The following ATRN variants were observed in gnomAD, a reference collection of about 807,000 sequenced individuals.
The protein encoded by ATRN is attractin.
In ATRN, 54 loss-of-function variants were observed where a neutral mutation model predicts 178.7. The observed-to-expected ratio is 0.30, with a 90% CI of 0.24 to 0.38. ATRN has a LOEUF of 0.38. ATRN is among the 10% of genes least tolerant of loss of function. The pLI, the probability that ATRN is intolerant of heterozygous loss-of-function variation, is 1.00. For missense variants in ATRN, 1,443 were observed against 1,815.1 expected (o/e 0.79, Z 3.73); for synonymous variants, 636 against 663.0 (o/e 0.96, Z 0.63).
chr20:3,483,832 TA>T (rs1402910061), intron 1 of ATRN, among the ~76,000 whole-genome samples: 5 of 152,180 alleles, frequency 3.3e-5, no homozygotes, highest in Admixed American at 1.3e-4. Context: ...GTTGAAGAGA[TA>T]CAATTTCTGT....
rs768157365 is a variant in ATRN at position 3,549,285 on chromosome 20, G to T, written c.1059G>T (p.Met353Ile). 2 of 1,609,518 alleles carry T rather than the reference G, an allele frequency of 1.2e-6. No homozygotes were observed. Among genetic ancestry groups the T allele is most frequent in the African/African-American group, 2.7e-5 (2 of 74,762 alleles). The change falls in exon 6 of 29, where the codon ATG (methionine) becomes ATT (isoleucine). Residue 353 changes from methionine (M) to isoleucine (I), a missense_variant. Physicochemically the swap from Met to Ile is conservative, Grantham distance 10 (BLOSUM62 1). Transcript: ENST00000262919. ...SHKAVVNGNI[M>I]WVVGGYMFNH... is the part of the protein sequence containing the mutation. ...AAGCTGTGGTCAATGGAAACATTATGTGGGTTGTTGGAGGATATATGTTCA... is the reference window on the plus strand; with the variant it reads ...AAGCTGTGGTCAATGGAAACATTATTTGGGTTGTTGGAGGATATATGTTCA...
In ATRN at chr20:3,589,220, G is replaced by A. The variant is rs144075817; in HGVS notation, c.3185-1949G>A. Reference sequence around the variant, plus strand: ...TTACCATGTAGACCAGGATGGTCTCGATCTCCTGACCTCGTGATCTGCCTG... The same window carrying A: ...TTACCATGTAGACCAGGATGGTCTCAATCTCCTGACCTCGTGATCTGCCTG... On this transcript the variant is annotated intron_variant, in intron 18 of 28. Transcript: ENST00000262919. Among the ~76,000 whole-genome samples the A allele has an allele frequency of 6.7e-3, 1,025 of 151,990 alleles. 6 individuals carry two copies. Among genetic ancestry groups the A allele is most frequent in the Non-Finnish European group, 0.01 (690 of 67,966 alleles).
chr20:3,592,476 A>T (rs1163351238), intron 19 of ATRN: 1 of 984,802 alleles, frequency 1.0e-6, no homozygotes, highest in African/African-American at 1.7e-5. Flanking sequence ...AAGCAATAGG[A>T]CATTTTATTA....
At chr20:3,608,073 A>G (rs1182782521) in intron 24 of ATRN, among the ~76,000 whole-genome samples, 2 of 151,754 alleles carry the variant, frequency 1.3e-5, no homozygotes, top group East Asian at 3.9e-4. Context: ...TTTTTTTCCT[A>G]TTGAGTTGTT....
At position 3,647,178 on chromosome 20, in the gene ATRN, A is replaced by G; in HGVS notation, c.*331A>G. 5.7e-6 allele frequency: 1 copy of G among 175,922 alleles called. No individual in the cohort carries two copies. The highest frequency in any genetic ancestry group is 1.2e-5 in the Non-Finnish European group (1 of 83,888). 10.9% of individuals were successfully genotyped at this position (175,922 alleles called of 1,614,324 possible). On this transcript the variant is annotated 3_prime_UTR_variant, in exon 29 of 29. Transcript: ENST00000262919. ...TTCACTGTGGAAAACTGTTCTTGGG[A>G]CTGTCTCAACTGTGCAAAAAACAAA... is the stretch of plus-strand genomic sequence containing the variant.
chr20:3,520,421 A>G (rs894223463), intron 1 of ATRN, among the ~76,000 whole-genome samples: 1 of 152,254 alleles, frequency 6.6e-6, no homozygotes, highest in African/African-American at 2.4e-5. Context: ...AGGAAAGGGA[A>G]GATAACCATT....
At chr20:3,506,083 C>G (rs148677130) in intron 1 of ATRN, among the ~76,000 whole-genome samples, 1 of 151,604 alleles carries the variant, frequency 6.6e-6, no homozygotes, top group Non-Finnish European at 1.5e-5. Context: ...CATACACATA[C>G]ACACACACAC....
At chr20:3,502,182 A>G (rs945591850) in intron 1 of ATRN, among the ~76,000 whole-genome samples, 1 of 152,212 alleles carries the variant, frequency 6.6e-6, no homozygotes, top group African/African-American at 2.4e-5. Context: ...CTGGAATTCA[A>G]TTAAAAAAAG....
intron 16 of ATRN, 92 bp from the exon 17 acceptor site, chr20:3,583,806 C>CA (rs368165282): frequency 0.13 from 127,267 of 948,982 alleles, 42 homozygotes; most frequent in South Asian, 0.15. Context: ...GACTCCGTCT[C>CA]AAAAAAAAAA....
Position 3,646,970 on chromosome 20 carries a change from G to T in ATRN, c.*123G>T. ...GGACGGAAGACTGGAAACCCTCAAA[G>T]CATCTGACTCACCTGCATGATCACA... On this transcript the variant is annotated 3_prime_UTR_variant, in exon 29 of 29. Coordinates refer to ENST00000262919, the MANE Select transcript of ATRN (RefSeq NM_139321.3). 7.8e-7 allele frequency: 1 copy of T among 1,280,924 alleles called. No individual in the cohort carries two copies. Among genetic ancestry groups the T allele is most frequent in the South Asian group, 1.7e-5 (1 of 60,392 alleles). The allele number at this position is 1,280,924 out of a possible 1,614,324, so 79.3% of individuals were successfully genotyped here. A position where few individuals can be genotyped will look rare whatever the true frequency, so the allele number is the denominator to read the frequency against.
chr20:3,501,354 T>C (rs138312734), intron 1 of ATRN, among the ~76,000 whole-genome samples: 237 of 152,322 alleles, frequency 1.6e-3, no homozygotes, highest in African/African-American at 5.4e-3. Flanking sequence ...GAAAGCAACC[T>C]AGGTAGCATT....
At chr20:3,619,206 T>C (rs235522) in intron 24 of ATRN, among the ~76,000 whole-genome samples, 22,605 of 152,230 alleles carry the variant, frequency 0.15, 1,820 homozygotes, top group Non-Finnish European at 0.18. Flanking sequence ...TCTCCCTGTC[T>C]TGTGTGCTCA....
At chr20:3,578,088 C>T (rs1206384711) in intron 14 of ATRN, among the ~76,000 whole-genome samples, 1 of 152,218 alleles carries the variant, frequency 6.6e-6, no homozygotes, top group Non-Finnish European at 1.5e-5. Context: ...AGGACCTTCT[C>T]ACCTTGCTTT....
At position 3,649,782 on chromosome 20, in the gene ATRN, C is replaced by A. The variant is rs796066364; in HGVS notation, c.*2935C>A. ...GACTAACCTGTAGCAATCAGACTTT[C>A]CAAAAGGGGGTTCTCCATTTTTTGT... is the stretch of plus-strand genomic sequence containing the variant. On this transcript the variant is annotated 3_prime_UTR_variant, in exon 29 of 29. Coordinates refer to ENST00000262919, the MANE Select transcript of ATRN (RefSeq NM_139321.3). The A allele has an allele frequency of 2.0e-5, 3 of 152,118 alleles. No individual in the cohort carries two copies. Among genetic ancestry groups the A allele is most frequent in the African/African-American group, 7.2e-5 (3 of 41,396 alleles). 9.4% of individuals were successfully genotyped at this position (152,118 alleles called of 1,614,324 possible). A position where few individuals can be genotyped will look rare whatever the true frequency, so the allele number is the denominator to read the frequency against.
chr20:3,510,045 A>G (rs944622269), intron 1 of ATRN, among the ~76,000 whole-genome samples: 2 of 152,058 alleles, frequency 1.3e-5, no homozygotes, highest in African/African-American at 4.8e-5. Flanking sequence ...GACCCAAAAT[A>G]CTTTAGTATG....
rs1351496217 is a variant in ATRN at position 3,562,337 on chromosome 20, T to C, written c.1509T>C (p.His503=). ...CCCTTGTGCAAGGGGGTTACGGCCA[T>C]AGCAGTGTTTACGACCATAGGACCA... ...QGALVQGGYG[H]SSVYDHRTRA... The change falls in exon 9 of 29, where the codon CAT becomes CAC. Residue 503 remains histidine (H), a synonymous_variant. Coordinates refer to ENST00000262919, the MANE Select transcript of ATRN (RefSeq NM_139321.3). 5 of 1,613,974 alleles carry C rather than the reference T, an allele frequency of 3.1e-6. No homozygotes were observed. Among genetic ancestry groups the C allele is most frequent in the Admixed American group, 1.7e-5 (1 of 59,994 alleles).
At position 3,647,132 on chromosome 20, in the gene ATRN, G is replaced by A. The variant is rs770300579; in HGVS notation, c.*285G>A. The A allele has an allele frequency of 2.0e-5, 5 of 255,148 alleles. No homozygotes were observed. Among genetic ancestry groups the A allele is most frequent in the Non-Finnish European group, 3.0e-5 (4 of 132,348 alleles). The allele number at this position is 255,148 out of a possible 1,614,324, so 15.8% of individuals were successfully genotyped here. A position where few individuals can be genotyped will look rare whatever the true frequency, so the allele number is the denominator to read the frequency against. Reference sequence around the variant, plus strand: ...GGAGGCCAGTGTAGAGCCAGTGAGAGAACTAGGAATGACACTCAGGTTCAC... The same window carrying A: ...GGAGGCCAGTGTAGAGCCAGTGAGAAAACTAGGAATGACACTCAGGTTCAC... On this transcript the variant is annotated 3_prime_UTR_variant, in exon 29 of 29. Coordinates refer to ENST00000262919, the MANE Select transcript of ATRN (RefSeq NM_139321.3).
chr20:3,594,397 A>G, intron 19 of ATRN, 82 bp from the exon 20 acceptor site: 1 of 1,127,348 alleles, frequency 8.9e-7, no homozygotes, highest in Middle Eastern at 2.1e-4. Flanking sequence ...ATTCAGATAA[A>G]ATTGCTTGTT....
chr20:3,643,551 AG>A (rs1337459123), intron 27 of ATRN, among the ~76,000 whole-genome samples: 1 of 151,490 alleles, frequency 6.6e-6, no homozygotes, highest in African/African-American at 2.4e-5. Context: ...AAACTAATAT[AG>A]GGGACAAATC....
Sources: gnomAD v4.1 joint callset for allele counts (sites outside exome capture counted in the v4.1 genomes callset) on GRCh38, gnomAD v4.1.1 for gene constraint, MANE v1.5 for transcripts, NCBI Gene and HGNC (gene_info 2026-07-23, HGNC 2026-07-21) for gene names.